The following ZNF653 variants were observed in gnomAD, a reference collection of about 807,000 sequenced individuals.
The protein encoded by ZNF653 is 67 kDa zinc finger protein.
In ZNF653, 37 loss-of-function variants were observed where a neutral mutation model predicts 59.9. The observed-to-expected ratio is 0.62, with a 90% CI of 0.48 to 0.81. The LOEUF (loss-of-function observed/expected upper bound fraction) is 0.81. Among genes scored for constraint, ZNF653 ranks in the 40% least tolerant of loss-of-function variants. The pLI, the probability that ZNF653 is intolerant of heterozygous loss-of-function variation, is 0.00. For missense variants in ZNF653, 808 were observed against 881.1 expected (o/e 0.92, Z 1.05); for synonymous variants, 435 against 371.8 (o/e 1.17, Z -1.96).
chr19:11,505,279 C>T, intron 1 of ZNF653: 2 of 520,752 alleles, frequency 3.8e-6, no homozygotes, highest in South Asian at 3.1e-5. Context: ...TGGGTGCACC[C>T]TAGGATTGGG....
chr19:11,498,663 C>T (rs954698325), intron 1 of ZNF653, among the ~76,000 whole-genome samples: 4 of 152,040 alleles, frequency 2.6e-5, no homozygotes, highest in African/African-American at 4.8e-5. Flanking sequence ...AGGCTGGTCT[C>T]GAACTCCTGA....
At chr19:11,491,809 C>T (rs977872350) in intron 3 of ZNF653, among the ~76,000 whole-genome samples, 4 of 152,048 alleles carry the variant, frequency 2.6e-5, no homozygotes, top group African/African-American at 4.8e-5. Context: ...GATCTCCTGA[C>T]CTCATGATCC....
In ZNF653 at chr19:11,487,719, G is replaced by C; in HGVS notation, c.744C>G (p.Val248=). 1 of 1,613,676 alleles carries C rather than the reference G, an allele frequency of 6.2e-7. No individual in the cohort carries two copies. ...TQEGVHIPFD[V]HHVESLAEQG... is the part of the protein sequence containing the mutation. The stretch of plus-strand genomic sequence containing the variant: ...GCTCGGCCAGGCTTTCCACGTGGTG[G>C]ACGTCAAAGGGAATGTGCACGCCCT... Residue 248 remains valine (V), a synonymous_variant, in exon 4 of 9, where the codon GTC becomes GTG. Transcript: ENST00000293771. The surrounding 1 kb of genome is among the most constrained non-coding windows in gnomAD (Gnocchi z 5.1).
In ZNF653 at chr19:11,505,577, C is replaced by T. The variant is rs754298014; in HGVS notation, c.210G>A (p.Val70=). ...TCCAGCCGCTGCGGCGCCGCAGGTC[C>T]ACCCAGGGCCCGTGCGCCTCGCCCA... is the stretch of plus-strand genomic sequence containing the variant. ...VYLGEAHGPW[V]DLRRRSGWSD... Residue 70 remains valine, a synonymous_variant, in exon 1 of 9, where the codon GTG becomes GTA. Transcript: ENST00000293771. The T allele has an allele frequency of 2.6e-6, 4 of 1,511,532 alleles. No homozygotes were observed. Among genetic ancestry groups the T allele is most frequent in the Non-Finnish European group, 3.5e-6 (4 of 1,139,004 alleles). 93.6% of individuals were successfully genotyped at this position (1,511,532 alleles called of 1,614,324 possible).
rs763777059 is a variant in ZNF653 at position 11,498,327 on chromosome 19, C to T, written c.312G>A (p.Glu104=). The T allele has an allele frequency of 1.9e-6, 3 of 1,614,108 alleles. No homozygotes were observed. Among genetic ancestry groups the T allele is most frequent in the Non-Finnish European group, 1.7e-6 (2 of 1,179,956 alleles). ...QRSGRHGKPW[E]QVPKKPKRKK... ...TCCGCTTTGGCTTTTTGGGGACCTG[C>T]TCCCAAGGCTTCCTGCAACAGAAAG... The change falls in exon 2 of 9, where the codon GAG becomes GAA. Residue 104 remains glutamate, a synonymous_variant. Coordinates refer to ENST00000293771, the MANE Select transcript of ZNF653 (RefSeq NM_138783.4).
intron 2 of ZNF653, among the ~76,000 whole-genome samples, chr19:11,497,244 C>T (rs999386340): frequency 6.6e-6 from 1 of 152,252 alleles, no homozygotes; most frequent in Non-Finnish European, 1.5e-5. Context: ...ATGTCAGCTC[C>T]TCAAGAGCAG....
chr19:11,502,863 G>A (rs895369944), intron 1 of ZNF653, among the ~76,000 whole-genome samples: 1 of 151,706 alleles, frequency 6.6e-6, no homozygotes, highest in African/African-American at 2.4e-5. Context: ...GCGAAACCCC[G>A]TCTCTACTAA....
intron 1 of ZNF653, 67 bp downstream of exon 1, chr19:11,505,421 C>T: frequency 1.5e-6 from 2 of 1,343,996 alleles, no homozygotes; most frequent in Non-Finnish European, 1.9e-6. Flanking sequence ...GCGGAGGGGG[C>T]GGGGTAAAGC....
At chr19:11,497,326 G>T (rs1351079243) in intron 2 of ZNF653, among the ~76,000 whole-genome samples, 1 of 152,178 alleles carries the variant, frequency 6.6e-6, no homozygotes, top group Non-Finnish European at 1.5e-5. Context: ...GGTGCTCCAG[G>T]AACATTTGCT....
chr19:11,497,567 AC>A (rs1227061204), intron 2 of ZNF653, among the ~76,000 whole-genome samples: 1 of 152,238 alleles, frequency 6.6e-6, no homozygotes, highest in Non-Finnish European at 1.5e-5. Context: ...GGCTGGGCAC[AC>A]AGTGAGTGCT....
rs1971531256 is a variant in ZNF653, at chr19:11,491,662, A to AC, written c.560-3760dup. 3.3e-5 allele frequency among the ~76,000 whole-genome samples: 5 copies of AC among 151,412 alleles called. No homozygotes were observed. The South Asian group carries it at 1.0e-3, about 32-fold the overall frequency. ...GAGTGCAGTGGCACGATCTTGGCTC[A>AC]CTGCAAGCTCTGCCTCCCAGGTTCA... On this transcript the variant is annotated intron_variant, in intron 3 of 8. Coordinates refer to ENST00000293771, the MANE Select transcript of ZNF653 (RefSeq NM_138783.4).
chr19:11,496,225 G>A, intron 2 of ZNF653, 60 bp from the exon 3 acceptor site: 4 of 1,552,986 alleles, frequency 2.6e-6, no homozygotes, highest in Non-Finnish European at 2.6e-6. Context: ...TGGTGACATG[G>A]CTGCCTGAAC....
chr19:11,492,323 G>A (rs554953685), intron 3 of ZNF653, among the ~76,000 whole-genome samples: 107 of 151,654 alleles, frequency 7.1e-4, no homozygotes, highest in Non-Finnish European at 1.5e-3. Flanking sequence ...GATTACAGGC[G>A]TGAGCCACCA....
chr19:11,484,697 G>A (rs547176364), intron 7 of ZNF653, among the ~76,000 whole-genome samples: 9 of 151,928 alleles, frequency 5.9e-5, no homozygotes, highest in Admixed American at 1.3e-4. Flanking sequence ...CACCACGCCC[G>A]GCCTTGTCCC....
Position 11,505,478 on chromosome 19 carries a change from GC to G in ZNF653, c.299+9del. ...TCCTCCCTCCCTCCCTCGGGGCCAG[GC>G]CCCCTCACCCGTGGCGGCCGCTCCG... On this transcript the variant is annotated intron_variant, in intron 1 of 8. Transcript: ENST00000293771. 6.8e-7 allele frequency: 1 copy of G among 1,469,442 alleles called. No homozygotes were observed. The highest frequency in any genetic ancestry group is 1.3e-5 in the South Asian group (1 of 75,710). 91.0% of individuals were successfully genotyped at this position (1,469,442 alleles called of 1,614,324 possible).
intron 1 of ZNF653, chr19:11,504,360 C>T (rs1452676907): frequency 5.1e-6 from 1 of 196,730 alleles, no homozygotes; most frequent in East Asian, 1.9e-4. Context: ...GAGATCGTGC[C>T]ACTGCACTCC....
At position 11,487,481 on chromosome 19, in the gene ZNF653, C is replaced by T. The variant is rs778195876; in HGVS notation, c.982G>A (p.Asp328Asn). Residue 328 changes from aspartate to asparagine, a missense_variant, in exon 4 of 9, where the codon GAC (aspartate) becomes AAC (asparagine). Physicochemically the swap from Asp to Asn is conservative, Grantham distance 23. Transcript: ENST00000293771. This position sits in a 1 kb window ranked among gnomAD's most constrained non-coding sequence, Gnocchi z 5.1. ...TGAATGCCCTCGGCCGTGAGAGCGT[C>T]GTAACCAGGGCCCGCAATGATGATC... ...QVIIIAGPGY[D>N]ALTAEGIHLN... 41 of 1,613,562 alleles carry T rather than the reference C, an allele frequency of 2.5e-5. No homozygotes were observed. In the East Asian group the frequency reaches 6.7e-4, roughly 26 times the overall value.
chr19:11,493,506 G>A (rs1280401997), intron 3 of ZNF653, among the ~76,000 whole-genome samples: 1 of 152,238 alleles, frequency 6.6e-6, no homozygotes, highest in African/African-American at 2.4e-5. Flanking sequence ...GGTGGCAGCA[G>A]GGTTGGGGAT....
intron 7 of ZNF653, 41 bp downstream of exon 7, chr19:11,485,613 CCT>C (rs1971457405): frequency 6.5e-7 from 1 of 1,534,688 alleles, no homozygotes; most frequent in Non-Finnish European, 9.0e-7. Flanking sequence ...GGCCCATGTC[CCT>C]GTGTCCCCCG....
Sources: gnomAD v4.1 joint callset for allele counts (sites outside exome capture counted in the v4.1 genomes callset) on GRCh38, gnomAD v4.1.1 for gene constraint, Gnocchi (gnomAD v3.1) non-coding constraint, MANE v1.5 for transcripts, NCBI Gene and HGNC (gene_info 2026-07-23, HGNC 2026-07-21) for gene names.